Variants in SEC61A1 observed in about 807,000 individuals in gnomAD.
SEC61A1 encodes SEC61 translocon subunit alpha 1.
A neutral mutation model predicts 55.2 loss-of-function variants in SEC61A1; 15 were observed. That is an observed-to-expected ratio of 0.27 (90% CI 0.18 to 0.42). The LOEUF (loss-of-function observed/expected upper bound fraction) is 0.42. Ranked by LOEUF, SEC61A1 falls within the 10% of genes least tolerant of loss-of-function variation. The pLI is 1.00. For missense variants in SEC61A1, 284 were observed against 602.6 expected, an observed-to-expected ratio of 0.47 and a Z score of 5.53; for synonymous variants, 247 against 234.0, an observed-to-expected ratio of 1.06 and a Z score of -0.51.
rs1942120685 is a variant in SEC61A1, at chr3:128,070,203, A to G, written c.*541A>G. On this transcript the variant is annotated 3_prime_UTR_variant, in exon 12 of 12. Transcript: ENST00000243253. ...CTCTAAGACACCATTGTTTTCCCTT[A>G]TTTTAAAAGTGATTTTTTTAAGGAC... 6.6e-6 allele frequency: 1 copy of G among 152,404 alleles called. No homozygotes were observed. The highest frequency in any genetic ancestry group is 1.5e-5 in the Non-Finnish European group (1 of 68,096). The allele number at this position is 152,404 out of a possible 1,614,324, so 9.4% of individuals were successfully genotyped here.
chr3:128,063,373 T>A (rs376001739), intron 7 of SEC61A1, among the ~76,000 whole-genome samples: 20 of 152,278 alleles, frequency 1.3e-4, no homozygotes, highest in African/African-American at 4.6e-4. Context: ...AGTCTTGCTC[T>A]GTCACCCAGG....
Position 128,069,804 on chromosome 3 carries a change from G to A in SEC61A1, c.*142G>A, listed in dbSNP as rs550872666. 4.6e-5 allele frequency: 35 copies of A among 760,632 alleles called. No homozygotes were observed. Among genetic ancestry groups the A allele is most frequent in the Non-Finnish European group, 2.3e-5 (11 of 480,944 alleles). 47.1% of individuals were successfully genotyped at this position (760,632 alleles called of 1,614,324 possible). A position where few individuals can be genotyped will look rare whatever the true frequency, so the allele number is the denominator to read the frequency against. ...ATTCTTTCATTCCACTGTGTAAAGT[G>A]CTAGACATTTTCCAATTTAAAATTT... On this transcript the variant is annotated 3_prime_UTR_variant, in exon 12 of 12. Coordinates refer to ENST00000243253, the MANE Select transcript of SEC61A1 (RefSeq NM_013336.4).
chr3:128,052,539 G>A lies in SEC61A1; in HGVS notation c.-14G>A, dbSNP rs368169473. 1.2e-4 allele frequency: 184 copies of A among 1,597,278 alleles called. No homozygotes were observed. The highest frequency in any genetic ancestry group is 6.1e-4 in the East Asian group (27 of 44,202). On this transcript the variant is annotated 5_prime_UTR_variant, in exon 1 of 12. Coordinates refer to ENST00000243253, the MANE Select transcript of SEC61A1 (RefSeq NM_013336.4). ...TGAGCTGAAGCGGGACCCGGAGCCC[G>A]AGCAGCCGCCGCCATGGCAAGTGAG...
rs1483371225 is a variant in SEC61A1 at position 128,069,375 on chromosome 3, T to C, written c.1245-101T>C. On this transcript the variant is annotated intron_variant, in intron 11 of 11. Transcript: ENST00000243253. Reference sequence around the variant, plus strand: ...CTTTCTAGGAGACAGCAGAGGGGCCTTTGAGGCATTAGGTCCCAAAGTCTC... The same window carrying C: ...CTTTCTAGGAGACAGCAGAGGGGCCCTTGAGGCATTAGGTCCCAAAGTCTC... 3.6e-6 allele frequency: 4 copies of C among 1,108,120 alleles called. No homozygotes were observed. The East Asian group carries it at 7.1e-5, about 20-fold the overall frequency. 68.6% of individuals were successfully genotyped at this position (1,108,120 alleles called of 1,614,324 possible).
chr3:128,068,365 G>A (rs999760019), intron 11 of SEC61A1, among the ~76,000 whole-genome samples: 5 of 152,200 alleles, frequency 3.3e-5, no homozygotes, highest in Admixed American at 6.5e-5. Context: ...GACTGGCAGC[G>A]GGACCCTCAC....
At chr3:128,068,368 A>C (rs1576426757) in intron 11 of SEC61A1, among the ~76,000 whole-genome samples, 1 of 152,106 alleles carries the variant, frequency 6.6e-6, no homozygotes, top group Non-Finnish European at 1.5e-5. Context: ...TGGCAGCGGG[A>C]CCCTCACCCT....
intron 11 of SEC61A1, among the ~76,000 whole-genome samples, chr3:128,068,312 G>A (rs141028245): frequency 1.8e-4 from 28 of 152,382 alleles, no homozygotes; most frequent in African/African-American, 6.3e-4. Context: ...GTGGCCAGGC[G>A]GATAGGAGAC....
At chr3:128,053,970 T>A (rs1319938618) in intron 2 of SEC61A1, among the ~76,000 whole-genome samples, 1 of 151,750 alleles carries the variant, frequency 6.6e-6, no homozygotes, top group Non-Finnish European at 1.5e-5. Flanking sequence ...ATAAAAGGAG[T>A]ATATAGTTTG....
At position 128,069,992 on chromosome 3, in the gene SEC61A1, A is replaced by G. The variant is rs1942113229; in HGVS notation, c.*330A>G. ...TGCTGTATGCGGCTGCAGCCGTCTC[A>G]CCTGTTTCCCCACAAAGGGAATTTC... On this transcript the variant is annotated 3_prime_UTR_variant, in exon 12 of 12. Transcript: ENST00000243253. The G allele has an allele frequency of 5.2e-6, 1 of 191,390 alleles. No homozygotes were observed. The highest frequency in any genetic ancestry group is 1.1e-5 in the Non-Finnish European group (1 of 93,956). The allele number at this position is 191,390 out of a possible 1,614,324, so 11.9% of individuals were successfully genotyped here. A position where few individuals can be genotyped will look rare whatever the true frequency, so the allele number is the denominator to read the frequency against.
chr3:128,060,267 C>T, intron 6 of SEC61A1, 56 bp downstream of exon 6: 1 of 1,299,294 alleles, frequency 7.7e-7, no homozygotes, highest in East Asian at 2.3e-5. Flanking sequence ...ACCTACAATT[C>T]TCACATAACG....
At chr3:128,052,421 C>CTT (rs1941698704), upstream of SEC61A1, 1 of 1,247,912 alleles carries the variant, frequency 8.0e-7, no homozygotes, top group African/African-American at 1.6e-5. Context: ...GCGCCGCTTG[C>CTT]CGCCGGGCTA....
At chr3:128,052,350 G>A, upstream of SEC61A1, 2 of 753,226 alleles carry the variant, frequency 2.7e-6, no homozygotes, top group Non-Finnish European at 3.3e-6. Context: ...GCCGGCGGGC[G>A]CGCGTGGCAG....
Position 128,052,530 on chromosome 3 carries a change from C to T in SEC61A1, c.-23C>T, listed in dbSNP as rs2107639424. On this transcript the variant is annotated 5_prime_UTR_variant, in exon 1 of 12. Transcript: ENST00000243253. Reference sequence around the variant, plus strand: ...GAGCAGAGCTGAGCTGAAGCGGGACCCGGAGCCCGAGCAGCCGCCGCCATG... The same window carrying T: ...GAGCAGAGCTGAGCTGAAGCGGGACTCGGAGCCCGAGCAGCCGCCGCCATG... 4 of 1,595,828 alleles carry T rather than the reference C, an allele frequency of 2.5e-6. No individual in the cohort carries two copies. Among genetic ancestry groups the T allele is most frequent in the East Asian group, 2.3e-5 (1 of 44,108 alleles).
At chr3:128,054,600 C>T (rs1188970840) in intron 2 of SEC61A1, among the ~76,000 whole-genome samples, 1 of 146,228 alleles carries the variant, frequency 6.8e-6, no homozygotes, top group Non-Finnish European at 1.5e-5. Context: ...GCCAGGAATG[C>T]TGACTCAGTG....
chr3:128,058,534 C>G (rs1274753885), intron 5 of SEC61A1, among the ~76,000 whole-genome samples: 2 of 152,120 alleles, frequency 1.3e-5, no homozygotes, highest in Non-Finnish European at 2.9e-5. Context: ...TCTATTTAAA[C>G]TTGTCAGTTT....
chr3:128,052,235 G>A (rs988475501), upstream of SEC61A1: 3 of 334,328 alleles, frequency 9.0e-6, no homozygotes, highest in African/African-American at 6.5e-5. Flanking sequence ...CCCCAGTCCC[G>A]GCGGGCCCCG....
At chr3:128,064,758 G>A (rs1941911256) in intron 7 of SEC61A1, 119 bp from the exon 8 acceptor site, 3 of 774,606 alleles carry the variant, frequency 3.9e-6, no homozygotes, top group Non-Finnish European at 6.2e-6. Context: ...GTGGCTATGG[G>A]CACCATGAGT....
chr3:128,063,528 G>C (rs1397334522), intron 7 of SEC61A1, among the ~76,000 whole-genome samples: 1 of 152,160 alleles, frequency 6.6e-6, no homozygotes, highest in African/African-American at 2.4e-5. Context: ...GTAGAGACAG[G>C]GTTTCACCAT....
intron 7 of SEC61A1, among the ~76,000 whole-genome samples, chr3:128,061,986 CAGAG>C (rs1235594923): frequency 6.6e-6 from 1 of 152,188 alleles, no homozygotes; most frequent in African/African-American, 2.4e-5. Context: ...CACTGAAAGG[CAGAG>C]AGAGCAGCTA....
Sources: gnomAD v4.1 joint callset for allele counts (sites outside exome capture counted in the v4.1 genomes callset) on GRCh38, gnomAD v4.1.1 for gene constraint, MANE v1.5 for transcripts, NCBI Gene and HGNC (gene_info 2026-07-23, HGNC 2026-07-21) for gene names.